The following PHACTR1 variants were observed in gnomAD, a reference collection of about 807,000 sequenced individuals.
PHACTR1 encodes the protein RPEL repeat containing 1.
Under a neutral mutation model 69.2 loss-of-function variants are expected in PHACTR1, and 16 were observed. The observed-to-expected ratio is 0.23, with a 90% CI of 0.16 to 0.35. PHACTR1 has a LOEUF of 0.35. PHACTR1 is among the 10% of genes least tolerant of loss of function. PHACTR1 has a pLI of 1.00. For synonymous variants in PHACTR1, 312 were observed against 284.5 expected (o/e 1.10, Z -0.97); for missense variants, 510 against 734.7 (o/e 0.69, Z 3.54).
At chr6:12,931,531 A>C (rs1346562997) in intron 4 of PHACTR1, among the ~76,000 whole-genome samples, 3 of 152,160 alleles carry the variant, frequency 2.0e-5, no homozygotes, top group Non-Finnish European at 2.9e-5. Flanking sequence ...GTGCAGTCTA[A>C]GTAAGCTCAT....
intron 10 of PHACTR1, among the ~76,000 whole-genome samples, chr6:13,259,890 T>C (rs1775675096): frequency 6.6e-6 from 1 of 152,116 alleles, no homozygotes; most frequent in South Asian, 2.1e-4. Flanking sequence ...GGCGTGCGGA[T>C]CAATAGTATT....
intron 12 of PHACTR1, 95 bp downstream of exon 12, chr6:13,278,424 C>G (rs1215252635): frequency 3.7e-6 from 4 of 1,074,150 alleles, no homozygotes; most frequent in African/African-American, 3.2e-5. Flanking sequence ...TCACCGCTGC[C>G]TGGTTCCTCT....
intron 4 of PHACTR1, among the ~76,000 whole-genome samples, chr6:12,934,707 G>A (rs994657656): frequency 6.6e-6 from 1 of 151,962 alleles, no homozygotes; most frequent in Non-Finnish European, 1.5e-5. Context: ...GTGGTAGCAC[G>A]CGCCTGTAAT....
At chr6:13,103,761 A>C (rs561232929) in intron 5 of PHACTR1, among the ~76,000 whole-genome samples, 1 of 152,334 alleles carries the variant, frequency 6.6e-6, no homozygotes, top group East Asian at 1.9e-4. Context: ...CATTGGTGCC[A>C]TATTATCAAC....
intron 4 of PHACTR1, among the ~76,000 whole-genome samples, chr6:13,005,046 C>T: frequency 6.6e-6 from 1 of 151,338 alleles, no homozygotes; most frequent in African/African-American, 2.4e-5. Flanking sequence ...TAATAAAAAG[C>T]CCAGCAGTTT....
chr6:13,160,007 C>T (rs374161308), intron 5 of PHACTR1, among the ~76,000 whole-genome samples, 197 bp from the exon 6 acceptor site: 4 of 152,266 alleles, frequency 2.6e-5, no homozygotes, highest in African/African-American at 9.6e-5. Context: ...GCTTAAATGA[C>T]ATCATCTGAT....
intron 4 of PHACTR1, among the ~76,000 whole-genome samples, chr6:12,887,130 G>A (rs962016686): frequency 1.8e-4 from 27 of 152,078 alleles, no homozygotes; most frequent in African/African-American, 6.0e-4. Flanking sequence ...AGCACCAAGG[G>A]GCCTCCTTTT....
At chr6:13,257,982 G>A (rs975479973) in intron 10 of PHACTR1, among the ~76,000 whole-genome samples, 3 of 152,162 alleles carry the variant, frequency 2.0e-5, no homozygotes, top group African/African-American at 7.2e-5. Flanking sequence ...TGGGGACCAC[G>A]CTGTGAGAAG....
chr6:13,276,051 A>G (rs908510446), intron 11 of PHACTR1: 3 of 151,494 alleles, frequency 2.0e-5, no homozygotes, highest in African/African-American at 7.3e-5. Flanking sequence ...GTTTATCTCT[A>G]CTAGATTAAT....
intron 10 of PHACTR1, among the ~76,000 whole-genome samples, chr6:13,253,392 A>G (rs151298329): frequency 6.6e-6 from 1 of 152,312 alleles, no homozygotes; most frequent in African/African-American, 2.4e-5. Context: ...ATCTAGAACC[A>G]TGGTACTTTG....
chr6:12,739,836 T>C (rs1335290533), intron 3 of PHACTR1, among the ~76,000 whole-genome samples: 3 of 152,212 alleles, frequency 2.0e-5, no homozygotes, highest in Non-Finnish European at 4.4e-5. Context: ...GCCACTTTAC[T>C]GGGCCTTATT....
chr6:12,985,286 G>T (rs1055181765), intron 4 of PHACTR1, among the ~76,000 whole-genome samples: 2 of 151,720 alleles, frequency 1.3e-5, no homozygotes, highest in Admixed American at 6.6e-5. Flanking sequence ...TAAGCCTAAG[G>T]TCTTACTCCA....
At chr6:12,774,782 A>G (rs1769845518) in intron 4 of PHACTR1, among the ~76,000 whole-genome samples, 1 of 152,232 alleles carries the variant, frequency 6.6e-6, no homozygotes, top group Non-Finnish European at 1.5e-5. Context: ...ACATCCACAG[A>G]CACAGACACA....
intron 4 of PHACTR1, chr6:12,933,780 G>T (rs552419967): frequency 6.2e-7 from 1 of 1,612,822 alleles, no homozygotes; most frequent in Non-Finnish European, 8.5e-7. Flanking sequence ...GCCCACATCT[G>T]CTCAGGCCCC....
chr6:12,723,893 C>T (rs1393735349), intron 3 of PHACTR1, among the ~76,000 whole-genome samples: 3 of 152,136 alleles, frequency 2.0e-5, no homozygotes, highest in Non-Finnish European at 4.4e-5. Context: ...AAATGTGGAG[C>T]CAGGGCTGAC....
In PHACTR1 at chr6:12,915,519, AAG is replaced by A. The variant is rs1491577164; in HGVS notation, c.251-137844_251-137843del. 3.2e-4 allele frequency among the ~76,000 whole-genome samples: 47 copies of A among 148,058 alleles called. 4 individuals are homozygous for A. Among genetic ancestry groups the A allele is most frequent in the Non-Finnish European group, 4.0e-4 (27 of 67,452 alleles). ...GAAACTCTCTCTCAAAAAAAAAAAA[AAG>A]AAAAAAAAAAAAAACAGGAGGAGAA... On this transcript the variant is annotated intron_variant, in intron 4 of 14. Coordinates refer to ENST00000332995, the MANE Select transcript of PHACTR1 (RefSeq NM_030948.6).
intron 4 of PHACTR1, among the ~76,000 whole-genome samples, chr6:12,793,389 A>C (rs1022400357): frequency 3.3e-5 from 5 of 152,216 alleles, no homozygotes; most frequent in African/African-American, 1.2e-4. Context: ...ACAAGTCTTA[A>C]CTGAATGGGA....
chr6:12,878,007 A>G (rs1782709527), intron 4 of PHACTR1, among the ~76,000 whole-genome samples: 1 of 152,186 alleles, frequency 6.6e-6, no homozygotes, highest in Non-Finnish European at 1.5e-5. Flanking sequence ...AGGCTCCAAT[A>G]TGTGTTTCCC....
At chr6:12,750,241 AGG>A (rs1766441713) in intron 4 of PHACTR1, among the ~76,000 whole-genome samples, 1 of 151,784 alleles carries the variant, frequency 6.6e-6, no homozygotes, top group South Asian at 2.1e-4. Context: ...GAGTGGGGAG[AGG>A]GGGCGGGGCT....
Sources: allele counts gnomAD v4.1 joint callset (sites outside exome capture counted in the v4.1 genomes callset), GRCh38; gene constraint gnomAD v4.1.1; transcripts MANE v1.5; gene names NCBI Gene and HGNC (gene_info 2026-07-23, HGNC 2026-07-21).